The following KLHL26 variants were observed in gnomAD, a reference collection of about 807,000 sequenced individuals.
KLHL26 encodes kelch-like protein 26.
In KLHL26, 4 loss-of-function variants were observed where a neutral mutation model predicts 7.1. The observed-to-expected ratio is 0.56, with a 90% CI of 0.28 to 1.28. The LOEUF (loss-of-function observed/expected upper bound fraction) is 1.28, where lower values mean the gene tolerates loss of function less well. Ranked by LOEUF, KLHL26 falls within the 50% of genes most tolerant of loss-of-function variation. The pLI is 0.11. For missense variants in KLHL26, 896 were observed against 924.6 expected (o/e 0.97, Z 0.40); for synonymous variants, 465 against 414.1 (o/e 1.12, Z -1.49).
chr19:18,669,601 C>G lies in KLHL26; in HGVS notation c.*356C>G. On this transcript the variant is annotated 3_prime_UTR_variant, in exon 3 of 3. Transcript: ENST00000300976. ...CTCCATCTCACTTCTCTACTGCCTCCCAGCCCCACGGTTTCAGGCATTCAG... is the reference window on the plus strand; with the variant it reads ...CTCCATCTCACTTCTCTACTGCCTCGCAGCCCCACGGTTTCAGGCATTCAG... 1 of 484,028 alleles carries G rather than the reference C, an allele frequency of 2.1e-6. No homozygotes were observed. The highest frequency in any genetic ancestry group is 3.6e-6 in the Non-Finnish European group (1 of 274,194). The allele number at this position is 484,028 out of a possible 1,614,324, so 30.0% of individuals were successfully genotyped here.
chr19:18,657,766 G>A lies in KLHL26; in HGVS notation c.84-6495G>A, dbSNP rs576807416. Among the ~76,000 whole-genome samples, 39 of 152,326 alleles carry A rather than the reference G, an allele frequency of 2.6e-4. 1 individual carries two copies. The highest frequency in any genetic ancestry group is 1.2e-3 in the Admixed American group (18 of 15,298). On this transcript the variant is annotated intron_variant, in intron 1 of 2. Transcript: ENST00000300976. ...GAACAGCAGGTGCCTTGGAAGGGGC[G>A]GCCCCTTATCAGGAGGGATAACCCC...
chr19:18,667,853 C>T lies in KLHL26; in HGVS notation c.456C>T (p.Cys152=), dbSNP rs752120548. The T allele has an allele frequency of 1.7e-5, 28 of 1,612,938 alleles. No individual in the cohort carries two copies. The highest frequency in any genetic ancestry group is 2.2e-5 in the East Asian group (1 of 44,896). ...AGATGCTGCCCGTGGTGGAGCTGTG[C>T]GAGGAGTTCCTGAAGGCGGCCATGA... ...FLQMLPVVEL[C]EEFLKAAMSV... Residue 152 remains cysteine (C), a synonymous_variant, in exon 3 of 3, where the codon TGC becomes TGT. Coordinates refer to ENST00000300976, the MANE Select transcript of KLHL26 (RefSeq NM_018316.3).
chr19:18,637,079 G>T lies in KLHL26; in HGVS notation c.25G>T (p.Gly9Cys), dbSNP rs761307607. MAESGGSS[G>C]GAGGGGAFGA... ...GATGGCGGAGTCCGGCGGTAGCAGC[G>T]GTGGTGCTGGTGGCGGCGGCGCTTT... The change falls in exon 1 of 3, where the codon GGT becomes TGT. Residue 9 changes from glycine to cysteine, a missense_variant. Physicochemically the swap from Gly to Cys is radical, Grantham distance 159. Transcript: ENST00000300976. The T allele has an allele frequency of 1.4e-6, 2 of 1,387,082 alleles. No individual in the cohort carries two copies. The highest frequency in any genetic ancestry group is 1.6e-5 in the South Asian group (1 of 61,226). The allele number at this position is 1,387,082 out of a possible 1,614,324, so 85.9% of individuals were successfully genotyped here. A position where few individuals can be genotyped will look rare whatever the true frequency, so the allele number is the denominator to read the frequency against.
intron 2 of KLHL26, 28 bp downstream of exon 2, chr19:18,664,471 G>C: frequency 6.6e-7 from 1 of 1,523,626 alleles, no homozygotes. Flanking sequence ...GCAGCTGGAA[G>C]GGGCGGCTGC....
At chr19:18,664,218 T>C in intron 1 of KLHL26, 43 bp from the exon 2 acceptor site, 1 of 1,535,068 alleles carries the variant, frequency 6.5e-7, no homozygotes, top group Non-Finnish European at 8.8e-7. Context: ...ATAGTGTGTG[T>C]GTGAACCTCT....
intron 1 of KLHL26, among the ~76,000 whole-genome samples, chr19:18,644,820 T>C (rs1423673235): frequency 2.0e-5 from 3 of 151,880 alleles, no homozygotes; most frequent in African/African-American, 7.3e-5. Flanking sequence ...CCCACGAAGG[T>C]TTTGTCTTTT....
At chr19:18,660,228 G>T (rs2052378420) in intron 1 of KLHL26, among the ~76,000 whole-genome samples, 2 of 152,204 alleles carry the variant, frequency 1.3e-5, no homozygotes, top group African/African-American at 4.8e-5. Flanking sequence ...ACAGGCCTGG[G>T]CCTGGCTAGG....
In KLHL26 at chr19:18,668,115, C is replaced by G. The variant is rs537477208; in HGVS notation, c.718C>G (p.Arg240Gly). 4 of 1,596,088 alleles carry G rather than the reference C, an allele frequency of 2.5e-6. No individual in the cohort carries two copies. Among genetic ancestry groups the G allele is most frequent in the Non-Finnish European group, 2.6e-6 (3 of 1,175,952 alleles). Residue 240 changes from arginine to glycine, a missense_variant, in exon 3 of 3, where the codon CGG (arginine) becomes GGG (glycine). Arg to Gly is a moderately radical substitution (Grantham distance 125). Transcript: ENST00000300976. Reference protein sequence around the residue: ...AVRWLQHDPARRPRASHVLCH... With the variant: ...AVRWLQHDPAGRPRASHVLCH... ...CCGCTGGCTGCAGCATGACCCGGCCCGGCGGCCGCGCGCCAGCCACGTGCT... is the reference window on the plus strand; with the variant it reads ...CCGCTGGCTGCAGCATGACCCGGCCGGGCGGCCGCGCGCCAGCCACGTGCT...
At chr19:18,657,087 G>C (rs1176842211) in intron 1 of KLHL26, among the ~76,000 whole-genome samples, 1 of 150,548 alleles carries the variant, frequency 6.6e-6, no homozygotes, top group Non-Finnish European at 1.5e-5. Context: ...CTCTGTCTCT[G>C]GATCTCTGTC....
intron 1 of KLHL26, among the ~76,000 whole-genome samples, chr19:18,640,045 A>G (rs1001798781): frequency 5.3e-5 from 8 of 150,936 alleles, no homozygotes; most frequent in African/African-American, 1.7e-4. Context: ...CCGTCCATAC[A>G]ATCTCGTATG....
At chr19:18,661,838 A>G (rs1020245166) in intron 1 of KLHL26, among the ~76,000 whole-genome samples, 2 of 151,460 alleles carry the variant, frequency 1.3e-5, no homozygotes, top group African/African-American at 4.9e-5. Context: ...GCTGACTCTT[A>G]CGTCCTTCTA....
chr19:18,663,611 G>C (rs2052413571), intron 1 of KLHL26, among the ~76,000 whole-genome samples: 1 of 152,184 alleles, frequency 6.6e-6, no homozygotes, highest in Non-Finnish European at 1.5e-5. Context: ...AGCCCGGTGG[G>C]GGTGGGGGTC....
rs762491614 is a variant in KLHL26 at position 18,667,850 on chromosome 19, G to A, written c.453G>A (p.Leu151=). 1.9e-6 allele frequency: 3 copies of A among 1,613,032 alleles called. No homozygotes were observed. Among genetic ancestry groups the A allele is most frequent in the Non-Finnish European group, 2.5e-6 (3 of 1,180,006 alleles). The change falls in exon 3 of 3, where the codon CTG becomes CTA. Residue 151 remains leucine, a synonymous_variant. Transcript: ENST00000300976. ...VFLQMLPVVE[L]CEEFLKAAMS... is the part of the protein sequence containing the mutation. ...TGCAGATGCTGCCCGTGGTGGAGCT[G>A]TGCGAGGAGTTCCTGAAGGCGGCCA...
Position 18,669,491 on chromosome 19 carries a change from T to G in KLHL26, c.*246T>G. The G allele has an allele frequency of 1.8e-6, 1 of 567,846 alleles. No individual in the cohort carries two copies. The highest frequency in any genetic ancestry group is 3.1e-6 in the Non-Finnish European group (1 of 321,856). The allele number at this position is 567,846 out of a possible 1,614,324, so 35.2% of individuals were successfully genotyped here. ...CTGACATGTGGTGGCAGCAAATTCG[T>G]CCCCGGGGTGGTTTCCTCGCCTGGC... On this transcript the variant is annotated 3_prime_UTR_variant, in exon 3 of 3. Transcript: ENST00000300976.
rs755268574 is a variant in KLHL26 at position 18,669,134 on chromosome 19, G to A, written c.1737G>A (p.Gln579=). 5.6e-6 allele frequency: 9 copies of A among 1,612,814 alleles called. No individual in the cohort carries two copies. Among genetic ancestry groups the A allele is most frequent in the South Asian group, 5.5e-5 (5 of 91,096 alleles). The change falls in exon 3 of 3, where the codon CAG becomes CAA. Residue 579 remains glutamine (Q), a synonymous_variant. Transcript: ENST00000300976. ...TCAACAACGTCACGGGCATCGTACA[G>A]GTGTACAACACGGACACCGACGAGT... ...WRLNNVTGIV[Q]VYNTDTDEWE... is the part of the protein sequence containing the mutation.
chr19:18,662,757 C>T (rs2052404408), intron 1 of KLHL26, among the ~76,000 whole-genome samples: 1 of 152,068 alleles, frequency 6.6e-6, no homozygotes, highest in South Asian at 2.1e-4. Flanking sequence ...CCTCACAAGC[C>T]TCGGATCTGG....
At chr19:18,652,125 C>T (rs570758755) in intron 1 of KLHL26, among the ~76,000 whole-genome samples, 1 of 152,174 alleles carries the variant, frequency 6.6e-6, no homozygotes, top group South Asian at 2.1e-4. Flanking sequence ...GGTCTGAGGG[C>T]AAGAGGGTTG....
intron 1 of KLHL26, among the ~76,000 whole-genome samples, chr19:18,639,445 T>C (rs1976675768): frequency 1.4e-5 from 2 of 141,206 alleles, no homozygotes; most frequent in South Asian, 4.8e-4. Flanking sequence ...AGAGTTACTC[T>C]GTTGCCCAGG....
intron 2 of KLHL26, among the ~76,000 whole-genome samples, chr19:18,665,220 C>T (rs533706675): frequency 6.6e-6 from 1 of 151,874 alleles, no homozygotes; most frequent in East Asian, 2.0e-4. Context: ...CCACACCTGG[C>T]TAATTTTTTG....
Sources: allele counts gnomAD v4.1 joint callset (sites outside exome capture counted in the v4.1 genomes callset), GRCh38; gene constraint gnomAD v4.1.1; transcripts MANE v1.5; gene names NCBI Gene and HGNC (gene_info 2026-07-23, HGNC 2026-07-21).